Variants in CDH12 observed in about 807,000 individuals in gnomAD.
The protein encoded by CDH12 is cadherin-12.
Under a neutral mutation model 74.1 loss-of-function variants are expected in CDH12, and 41 were observed. The ratio of observed to expected loss-of-function variants is 0.55; its 90% confidence interval spans 0.43 to 0.72. The LOEUF is 0.72. CDH12 is among the 30% of genes least tolerant of loss of function. The pLI is 0.00. For synonymous variants in CDH12, 399 were observed against 355.0 expected (o/e 1.12, Z -1.39); for missense variants, 945 against 977.2 (o/e 0.97, Z 0.44).
chr5:22,513,041 GATAATA>G (rs934826504), intron 1 of CDH12, among the ~76,000 whole-genome samples: 2 of 151,908 alleles, frequency 1.3e-5, no homozygotes, highest in African/African-American at 2.4e-5. Flanking sequence ...TGTCTAAAAA[GATAATA>G]ATAATAATAA....
chr5:21,961,381 CTG>C (rs755838746), intron 6 of CDH12, among the ~76,000 whole-genome samples: 8 of 151,902 alleles, frequency 5.3e-5, no homozygotes, highest in Non-Finnish European at 1.0e-4. Context: ...TTTTATGACT[CTG>C]TCTCAAAAAA....
intron 1 of CDH12, among the ~76,000 whole-genome samples, chr5:22,711,607 AG>A (rs1474218634): frequency 1.3e-5 from 2 of 152,122 alleles, no homozygotes; most frequent in Non-Finnish European, 2.9e-5. Context: ...CTATGTTTAG[AG>A]TTAAGAATTC....
At chr5:21,899,378 T>G (rs1052149376) in intron 6 of CDH12, among the ~76,000 whole-genome samples, 1 of 152,132 alleles carries the variant, frequency 6.6e-6, no homozygotes, top group Non-Finnish European at 1.5e-5. Context: ...TTTTAGAAAA[T>G]AGATACTTGA....
At chr5:22,762,622 A>C (rs1171337268) in intron 1 of CDH12, among the ~76,000 whole-genome samples, 1 of 151,368 alleles carries the variant, frequency 6.6e-6, no homozygotes, top group Non-Finnish European at 1.5e-5. Flanking sequence ...ATTGGGACTG[A>C]GAACTAAGAT....
At chr5:22,796,574 C>A (rs1266221410) in intron 1 of CDH12, among the ~76,000 whole-genome samples, 1 of 86,102 alleles carries the variant, frequency 1.2e-5, no homozygotes, top group Non-Finnish European at 2.0e-5. Flanking sequence ...GGCTGGAGTG[C>A]AGTGGCGGGA....
intron 3 of CDH12, among the ~76,000 whole-genome samples, chr5:22,293,375 C>A (rs916429372): frequency 1.3e-5 from 2 of 152,090 alleles, no homozygotes; most frequent in African/African-American, 2.4e-5. Context: ...CATTTGAGTG[C>A]TCATTTTCTT....
At chr5:22,425,904 A>C (rs1377327830) in intron 2 of CDH12, among the ~76,000 whole-genome samples, 7 of 151,950 alleles carry the variant, frequency 4.6e-5, no homozygotes, top group Admixed American at 3.9e-4. Context: ...AGAAAATCTC[A>C]TTTCCACACA....
In CDH12 at chr5:22,060,521, G is replaced by A. The variant is rs115658489; in HGVS notation, c.231+17925C>T. The stretch of plus-strand genomic sequence containing the variant: ...ATTAAATAAAAACAATGAGAGAAAG[G>A]CAAGGAACTGTATTGACTAAGCAAT... On this transcript the variant is annotated intron_variant, in intron 5 of 14. Coordinates refer to ENST00000382254, the MANE Select transcript of CDH12 (RefSeq NM_004061.5). Among the ~76,000 whole-genome samples the A allele has an allele frequency of 5.8e-3, 874 of 151,230 alleles. 8 individuals are homozygous for A. Among genetic ancestry groups the A allele is most frequent in the African/African-American group, 0.02 (835 of 41,252 alleles).
chr5:21,827,648 T>C (rs573015649), intron 8 of CDH12, among the ~76,000 whole-genome samples: 3 of 152,214 alleles, frequency 2.0e-5, no homozygotes, highest in Non-Finnish European at 4.4e-5. Flanking sequence ...AACATTATTT[T>C]TTAAAGCAAA....
At chr5:22,523,933 T>C (rs1737156877) in intron 1 of CDH12, among the ~76,000 whole-genome samples, 2 of 152,038 alleles carry the variant, frequency 1.3e-5, no homozygotes, top group Non-Finnish European at 1.5e-5. Flanking sequence ...AAATGTGTTT[T>C]ATTTCCATTA....
At chr5:22,178,940 T>C (rs935201833) in intron 4 of CDH12, among the ~76,000 whole-genome samples, 2 of 152,256 alleles carry the variant, frequency 1.3e-5, no homozygotes, top group African/African-American at 2.4e-5. Flanking sequence ...AAGACAGACT[T>C]GCACAATGGT....
intron 1 of CDH12, among the ~76,000 whole-genome samples, chr5:22,691,157 T>G (rs1194880839): frequency 2.0e-5 from 3 of 152,192 alleles, no homozygotes; most frequent in Non-Finnish European, 4.4e-5. Context: ...GCTAAACATG[T>G]AACACTTCAA....
At position 21,897,062 on chromosome 5, in the gene CDH12, A is replaced by T. The variant is rs1753157760; in HGVS notation, c.527-42272T>A. Reference sequence around the variant, plus strand: ...ATTGAGTTCATAAAGATGAACATATAAGTTTTATTTTGATAGAAATTGCCA... The same window carrying T: ...ATTGAGTTCATAAAGATGAACATATTAGTTTTATTTTGATAGAAATTGCCA... On this transcript the variant is annotated intron_variant, in intron 6 of 14. Coordinates refer to ENST00000382254, the MANE Select transcript of CDH12 (RefSeq NM_004061.5). Among the ~76,000 whole-genome samples the T allele has an allele frequency of 2.0e-5, 3 of 152,234 alleles. No individual in the cohort carries two copies. In the South Asian group the frequency reaches 6.2e-4, roughly 31 times the overall value.
intron 1 of CDH12, among the ~76,000 whole-genome samples, chr5:22,765,928 C>G (rs1746487693): frequency 6.6e-6 from 1 of 151,424 alleles, no homozygotes; most frequent in Non-Finnish European, 1.5e-5. Flanking sequence ...ACGTACAAAT[C>G]TAAAATGAAA....
intron 3 of CDH12, among the ~76,000 whole-genome samples, chr5:22,222,731 G>C (rs933925166): frequency 5.3e-5 from 8 of 151,656 alleles, no homozygotes; most frequent in African/African-American, 1.9e-4. Context: ...CTTTCAGTTG[G>C]TTGTAGGATG....
At chr5:22,830,737 T>C (rs1180176141) in intron 1 of CDH12, among the ~76,000 whole-genome samples, 2 of 151,742 alleles carry the variant, frequency 1.3e-5, no homozygotes, top group African/African-American at 4.8e-5. Context: ...AAATTTGATT[T>C]TAAAATCTAA....
In CDH12 at chr5:22,689,051, G is replaced by T. The variant is rs368714278; in HGVS notation, c.-523+164007C>A. On this transcript the variant is annotated intron_variant, in intron 1 of 14. Transcript: ENST00000382254. ...TTAAAAGGAGAAATGTTAAGAAGAG[G>T]AAAGGGATTGTCTAAATAGCAGTAT... is the stretch of plus-strand genomic sequence containing the variant. Among the ~76,000 whole-genome samples, 10 of 152,248 alleles carry T rather than the reference G, an allele frequency of 6.6e-5. No individual in the cohort carries two copies. In the East Asian group the frequency reaches 1.5e-3, roughly 24 times the overall value.
At chr5:22,243,915 C>T (rs1580440809) in intron 3 of CDH12, among the ~76,000 whole-genome samples, 1 of 152,100 alleles carries the variant, frequency 6.6e-6, no homozygotes, top group African/African-American at 2.4e-5. Flanking sequence ...ATGTGAGCAG[C>T]AAAACCTATT....
At chr5:22,635,725 C>A (rs527284346) in intron 1 of CDH12, among the ~76,000 whole-genome samples, 1 of 152,174 alleles carries the variant, frequency 6.6e-6, no homozygotes, top group African/African-American at 2.4e-5. Context: ...ACCGGCCTGA[C>A]CAACATGGTG....
Sources: gnomAD v4.1 joint callset for allele counts (sites outside exome capture counted in the v4.1 genomes callset) on GRCh38, gnomAD v4.1.1 for gene constraint, MANE v1.5 for transcripts, NCBI Gene and HGNC (gene_info 2026-07-23, HGNC 2026-07-21) for gene names.